The following MC2R variants were observed in gnomAD, a reference collection of about 807,000 sequenced individuals.
MC2R encodes the protein melanocortin 2 receptor.
Under a neutral mutation model 9.8 loss-of-function variants are expected in MC2R, and 9 were observed. The observed-to-expected ratio is 0.92, with a 90% CI of 0.55 to 1.60. The LOEUF (loss-of-function observed/expected upper bound fraction) is 1.60, where lower values mean the gene tolerates loss of function less well. Ranked by LOEUF, MC2R falls within the 40% of genes most tolerant of loss-of-function variation. The probability of loss-of-function intolerance (pLI) is 0.00; values close to 1 mark genes in which losing one functional copy is unlikely to be tolerated. For synonymous variants in MC2R, 185 were observed against 154.7 expected, an observed-to-expected ratio of 1.20 and a Z score of -1.45; for missense variants, 370 against 389.0, an observed-to-expected ratio of 0.95 and a Z score of 0.41.
At chr18:13,899,169 T>G (rs1259071775) in intron 1 of MC2R, among the ~76,000 whole-genome samples, 5 of 151,972 alleles carry the variant, frequency 3.3e-5, no homozygotes, top group African/African-American at 1.2e-4. Context: ...GAGATTGAAA[T>G]AAAAAGAATC....
In MC2R at chr18:13,885,471, T is replaced by A. The variant is rs377287671; in HGVS notation, c.48A>T (p.Arg16Ser). 1 of 1,614,042 alleles carries A rather than the reference T, an allele frequency of 6.2e-7. No individual in the cohort carries two copies. The highest frequency in any genetic ancestry group is 1.3e-5 in the African/African-American group (1 of 74,914). ...NSYENINNTA[R>S]NNSDCPRVVL... The stretch of plus-strand genomic sequence containing the variant: ...CCACACGAGGACAGTCGGAATTATT[T>A]CTTGCTGTGTTGTTGATGTTTTCAT... The change falls in exon 2 of 2, where the codon AGA becomes AGT. Residue 16 changes from arginine (R) to serine (S), a missense_variant. Physicochemically the swap from Arg to Ser is moderately radical, Grantham distance 110 (BLOSUM62 -1). Coordinates refer to ENST00000327606, the MANE Select transcript of MC2R (RefSeq NM_000529.2).
chr18:13,903,693 G>C (rs1004145299), intron 1 of MC2R, among the ~76,000 whole-genome samples: 1 of 152,176 alleles, frequency 6.6e-6, no homozygotes, highest in Non-Finnish European at 1.5e-5. Flanking sequence ...GTGTATGTGT[G>C]GGGTGGTTCT....
rs888277288 is a variant in MC2R, at chr18:13,883,512, G to A, written c.*1113C>T. 1 of 150,872 alleles carries A rather than the reference G, an allele frequency of 6.6e-6. No homozygotes were observed. The highest frequency in any genetic ancestry group is 1.5e-5 in the Non-Finnish European group (1 of 67,904). The allele number at this position is 150,872 out of a possible 1,614,324, so 9.3% of individuals were successfully genotyped here. A position where few individuals can be genotyped will look rare whatever the true frequency, so the allele number is the denominator to read the frequency against. On this transcript the variant is annotated 3_prime_UTR_variant, in exon 2 of 2. Coordinates refer to ENST00000327606, the MANE Select transcript of MC2R (RefSeq NM_000529.2). Reference sequence around the variant, plus strand: ...TCTTTGACTTGGGGCTATAATAACAGCACCATTGCTTGATGTCTTGCTTTG... The same window carrying A: ...TCTTTGACTTGGGGCTATAATAACAACACCATTGCTTGATGTCTTGCTTTG...
At chr18:13,902,119 TATATC>T (rs71366083) in intron 1 of MC2R, among the ~76,000 whole-genome samples, 73,338 of 151,304 alleles carry the variant, frequency 0.48, 18,147 homozygotes, top group Middle Eastern at 0.6. Flanking sequence ...TACAATGTGA[TATATC>T]ATATCAAGGA....
Position 13,893,121 on chromosome 18 carries a change from A to T in MC2R, c.-128-7475T>A, listed in dbSNP as rs149727566. Among the ~76,000 whole-genome samples the T allele has an allele frequency of 7.2e-4, 109 of 152,310 alleles. 2 individuals carry two copies. The East Asian group carries it at 0.016, about 22-fold the overall frequency. On this transcript the variant is annotated intron_variant, in intron 1 of 1. Coordinates refer to ENST00000327606, the MANE Select transcript of MC2R (RefSeq NM_000529.2). ...CCCCCACTGAATATCCTCTTTTTAGACATGCATACGATTGATTGCTGTGAA... is the reference window on the plus strand; with the variant it reads ...CCCCCACTGAATATCCTCTTTTTAGTCATGCATACGATTGATTGCTGTGAA...
At chr18:13,893,653 T>C (rs1252561780) in intron 1 of MC2R, among the ~76,000 whole-genome samples, 1 of 152,188 alleles carries the variant, frequency 6.6e-6, no homozygotes, top group East Asian at 1.9e-4. Context: ...TCACTGTTAG[T>C]TACTTTGGGG....
At chr18:13,901,880 T>C (rs2045382000) in intron 1 of MC2R, among the ~76,000 whole-genome samples, 1 of 152,278 alleles carries the variant, frequency 6.6e-6, no homozygotes, top group African/African-American at 2.4e-5. Flanking sequence ...AAACTCATTC[T>C]ACAATACCAG....
At chr18:13,910,928 G>C (rs750712439) in intron 1 of MC2R, among the ~76,000 whole-genome samples, 1 of 152,204 alleles carries the variant, frequency 6.6e-6, no homozygotes, top group African/African-American at 2.4e-5. Flanking sequence ...CCCATCATGG[G>C]TGAAAGCATC....
chr18:13,914,269 C>T (rs1054016183), intron 1 of MC2R, among the ~76,000 whole-genome samples: 2 of 152,174 alleles, frequency 1.3e-5, no homozygotes, highest in Admixed American at 6.5e-5. Context: ...TGAGGGCTCC[C>T]GTCTCCCTGC....
chr18:13,913,644 C>T (rs1348693000), intron 1 of MC2R, among the ~76,000 whole-genome samples: 5 of 152,216 alleles, frequency 3.3e-5, no homozygotes, highest in Non-Finnish European at 7.3e-5. Flanking sequence ...TCTGCACCAG[C>T]GCTTGCCTGT....
intron 1 of MC2R, among the ~76,000 whole-genome samples, chr18:13,913,509 A>G (rs1465601778): frequency 6.6e-6 from 1 of 152,192 alleles, no homozygotes; most frequent in Non-Finnish European, 1.5e-5. Context: ...TGGCACACGC[A>G]TATTTTGAGT....
intron 1 of MC2R, among the ~76,000 whole-genome samples, chr18:13,888,952 C>CT (rs929904373): frequency 7.2e-5 from 11 of 152,302 alleles, no homozygotes; most frequent in Admixed American, 6.5e-4. Flanking sequence ...CTCCCATTTG[C>CT]TTTTTTGTGT....
chr18:13,909,255 C>A (rs966128261), intron 1 of MC2R, among the ~76,000 whole-genome samples: 3 of 152,104 alleles, frequency 2.0e-5, no homozygotes, highest in African/African-American at 4.8e-5. Context: ...ATGGACCTTG[C>A]GGGAGGAAGA....
chr18:13,905,036 T>C (rs1247891910), intron 1 of MC2R, among the ~76,000 whole-genome samples: 1 of 152,034 alleles, frequency 6.6e-6, no homozygotes, highest in Admixed American at 6.5e-5. Context: ...AGTTGACAAA[T>C]GGGATCTAAT....
At position 13,882,377 on chromosome 18, in the gene MC2R, C is replaced by A. The variant is rs953872756; in HGVS notation, c.*2248G>T. 5 of 152,172 alleles carry A rather than the reference C, an allele frequency of 3.3e-5. No individual in the cohort carries two copies. Among genetic ancestry groups the A allele is most frequent in the African/African-American group, 1.2e-4 (5 of 41,434 alleles). 9.4% of individuals were successfully genotyped at this position (152,172 alleles called of 1,614,324 possible). The stretch of plus-strand genomic sequence containing the variant: ...GTTCTGATTGGAATATAGCAGAAGA[C>A]CTAGAATTGAAAATGTCTGGAATTG... On this transcript the variant is annotated 3_prime_UTR_variant, in exon 2 of 2. Transcript: ENST00000327606.
chr18:13,904,670 G>GTAACAAAACC (rs1567902006), intron 1 of MC2R, among the ~76,000 whole-genome samples: 1 of 69,418 alleles, frequency 1.4e-5, no homozygotes, highest in African/African-American at 7.4e-5. Flanking sequence ...TAACCAAAAC[G>GTAACAAAACC]GTACCATGGT....
chr18:13,885,231 G>T lies in MC2R; in HGVS notation c.288C>A (p.Gly96=). The stretch of plus-strand genomic sequence containing the variant: ...TGTCATCGGCTGTGGTTTCAAAACT[G>T]CCACGTGGCTTGAGATAGCCCATGT... ...LRNMGYLKPR[G]SFETTADDII... Residue 96 remains glycine (G), a synonymous_variant, in exon 2 of 2, where the codon GGC becomes GGA. Coordinates refer to ENST00000327606, the MANE Select transcript of MC2R (RefSeq NM_000529.2). The T allele has an allele frequency of 6.2e-7, 1 of 1,614,150 alleles. No homozygotes were observed. The highest frequency in any genetic ancestry group is 8.5e-7 in the Non-Finnish European group (1 of 1,180,028).
In MC2R at chr18:13,885,541, G is replaced by A. The variant is rs141392619; in HGVS notation, c.-23C>T. On this transcript the variant is annotated 5_prime_UTR_variant, in exon 2 of 2. Transcript: ENST00000327606. ...CATTTCTCCTGCTTGTGGTTAAGGC[G>A]GGGATGTTACTTGGACTTGACTTCA... 20 of 1,613,762 alleles carry A rather than the reference G, an allele frequency of 1.2e-5. No individual in the cohort carries two copies. The highest frequency in any genetic ancestry group is 6.7e-5 in the African/African-American group (5 of 75,016).
At chr18:13,901,442 CAAAG>C (rs1327591648) in intron 1 of MC2R, among the ~76,000 whole-genome samples, 2 of 151,130 alleles carry the variant, frequency 1.3e-5, no homozygotes, top group Admixed American at 6.6e-5. Flanking sequence ...TACAAAGGAT[CAAAG>C]AAAGAAATAG....
Sources: gnomAD v4.1 joint callset for allele counts (sites outside exome capture counted in the v4.1 genomes callset) on GRCh38, gnomAD v4.1.1 for gene constraint, MANE v1.5 for transcripts, NCBI Gene and HGNC (gene_info 2026-07-23, HGNC 2026-07-21) for gene names.